ZNF585A: variants seen among roughly 807,000 people sequenced by gnomAD.
ZNF585A encodes the protein zinc finger protein 585A.
A neutral mutation model predicts 14.9 loss-of-function variants in ZNF585A; 9 were observed. The observed-to-expected ratio is 0.60, with a 90% CI of 0.36 to 1.05. The LOEUF is 1.05. ZNF585A is among the 50% of genes least tolerant of loss of function. ZNF585A has a pLI of 0.01. For missense variants in ZNF585A, 726 were observed against 926.4 expected (o/e 0.78, Z 2.81); for synonymous variants, 276 against 319.9 (o/e 0.86, Z 1.46).
At chr19:37,154,560 C>T (rs1971891884) in intron 4 of ZNF585A, among the ~76,000 whole-genome samples, 2 of 151,614 alleles carry the variant, frequency 1.3e-5, no homozygotes, top group South Asian at 4.2e-4. Context: ...AAAAACGAAC[C>T]CTGGTCAATG....
intron 2 of ZNF585A, among the ~76,000 whole-genome samples, chr19:37,162,911 A>G (rs983081257): frequency 3.9e-5 from 6 of 152,130 alleles, no homozygotes; most frequent in Non-Finnish European, 8.8e-5. Flanking sequence ...AAAAGTCTAT[A>G]CAATAAACCC....
At chr19:37,155,605 G>A (rs1274298821) in intron 4 of ZNF585A, among the ~76,000 whole-genome samples, 1 of 151,874 alleles carries the variant, frequency 6.6e-6, no homozygotes, top group Non-Finnish European at 1.5e-5. Flanking sequence ...TAGTGAGCTG[G>A]GATCATGCCA....
rs148426475 is a variant in ZNF585A, at chr19:37,152,666, T to G, written c.1233A>C (p.Ile411=). 16,319 of 1,613,944 alleles carry G rather than the reference T, an allele frequency of 0.01. 120 individuals carry two copies. The highest frequency in any genetic ancestry group is 0.026 in the African/African-American group (1,985 of 75,000). The change falls in exon 5 of 5, where the codon ATA becomes ATC. Residue 411 remains isoleucine, a synonymous_variant. Coordinates refer to ENST00000292841, the MANE Select transcript of ZNF585A (RefSeq NM_001288800.2). ...TGAAGGCCAGTCCACATTTCATGCA[T>G]ATATACGATTTTTCTCCTGTATGAA... The part of the protein sequence containing the change: ...QRIHTGEKSY[I]CMKCGLAFIQ...
Position 37,151,684 on chromosome 19 carries a change from T to C in ZNF585A, c.2215A>G (p.Thr739Ala). 3 of 1,614,212 alleles carry C rather than the reference T, an allele frequency of 1.9e-6. No individual in the cohort carries two copies. Among genetic ancestry groups the C allele is most frequent in the Non-Finnish European group, 2.5e-6 (3 of 1,180,042 alleles). Residue 739 changes from threonine (T) to alanine (A), a missense_variant, in exon 5 of 5, where the codon ACA (threonine) becomes GCA (alanine). Thr to Ala is a moderately conservative substitution (Grantham distance 58, BLOSUM62 0). This residue lies in a region of ZNF585A where 243 missense variants were observed against 383.6 expected (regional missense o/e 0.63). Transcript: ENST00000292841. ...DRSNLNKHQTTHTGDKPYKCG... is the reference protein window; with the variant it reads ...DRSNLNKHQTAHTGDKPYKCG... Reference sequence around the variant, plus strand: ...TTGTAGGGTTTGTCTCCAGTGTGTGTTGTCTGATGTTTATTCAAATTGGAC... The same window carrying C: ...TTGTAGGGTTTGTCTCCAGTGTGTGCTGTCTGATGTTTATTCAAATTGGAC...
At chr19:37,161,627 C>G (rs1235277401) in intron 2 of ZNF585A, among the ~76,000 whole-genome samples, 2 of 152,108 alleles carry the variant, frequency 1.3e-5, no homozygotes, top group Admixed American at 1.3e-4. Context: ...CTCTGCCACC[C>G]GAGCCAGCAA....
chr19:37,172,311 T>G (rs1010782233), intron 1 of ZNF585A: 4 of 152,208 alleles, frequency 2.6e-5, no homozygotes, highest in Admixed American at 2.0e-4. Context: ...ATTTTTATAT[T>G]AAAGAAGACT....
intron 2 of ZNF585A, among the ~76,000 whole-genome samples, chr19:37,163,959 T>C (rs570054894): frequency 6.6e-6 from 1 of 152,276 alleles, no homozygotes; most frequent in South Asian, 2.1e-4. Flanking sequence ...AAGGCATATC[T>C]GGAGTTGCCA....
intron 3 of ZNF585A, 115 bp downstream of exon 3, chr19:37,156,114 A>T: frequency 6.4e-7 from 1 of 1,554,788 alleles, no homozygotes; most frequent in Non-Finnish European, 8.7e-7. Flanking sequence ...AAAGAATCCT[A>T]GACAAATCAA....
chr19:37,169,738 T>C, intron 2 of ZNF585A, 101 bp downstream of exon 2: 2 of 1,424,756 alleles, frequency 1.4e-6, no homozygotes, highest in Non-Finnish European at 1.9e-6. Flanking sequence ...AGCTGCTTCC[T>C]GTGGCCCAGC....
At position 37,149,467 on chromosome 19, in the gene ZNF585A, T is replaced by C. The variant is rs987103674; in HGVS notation, c.*2122A>G. 13 of 152,200 alleles carry C rather than the reference T, an allele frequency of 8.5e-5. No homozygotes were observed. Among genetic ancestry groups the C allele is most frequent in the African/African-American group, 2.9e-4 (12 of 41,446 alleles). The allele number at this position is 152,200 out of a possible 1,614,324, so 9.4% of individuals were successfully genotyped here. On this transcript the variant is annotated 3_prime_UTR_variant, in exon 5 of 5. Coordinates refer to ENST00000292841, the MANE Select transcript of ZNF585A (RefSeq NM_001288800.2). Reference sequence around the variant, plus strand: ...TCATGAGGCTTGGGCATACAGAGGATAGTCAGATGCTTATGTTGACTGATG... The same window carrying C: ...TCATGAGGCTTGGGCATACAGAGGACAGTCAGATGCTTATGTTGACTGATG...
intron 2 of ZNF585A, among the ~76,000 whole-genome samples, chr19:37,157,662 G>A (rs1385919227): frequency 1.3e-5 from 2 of 152,144 alleles, no homozygotes; most frequent in Admixed American, 6.6e-5. Flanking sequence ...AATAAAAGGT[G>A]TAGAGATAGA....
In ZNF585A at chr19:37,152,743, C is replaced by T; in HGVS notation, c.1156G>A (p.Asp386Asn). The T allele has an allele frequency of 6.2e-7, 1 of 1,614,112 alleles. No individual in the cohort carries two copies. Among genetic ancestry groups the T allele is most frequent in the Non-Finnish European group, 8.5e-7 (1 of 1,180,008 alleles). Residue 386 changes from aspartate (D) to asparagine (N), a missense_variant, in exon 5 of 5, where the codon GAC becomes AAC. By Grantham distance (23) the Asp-to-Asn change is conservative (BLOSUM62 1). Around this residue, in one of 2 missense-constraint regions of ZNF585A, gnomAD observed 483 missense variants for 542.8 expected, o/e 0.89. Transcript: ENST00000292841. Reference protein sequence around the residue: ...HTGEKPYECSDCGKAFTQKSA... With the variant: ...HTGEKPYECSNCGKAFTQKSA... ...TTCTGAGTGAAGGCTTTCCCACAGT[C>T]ACTGCATTCATAAGGTTTCTCTCCA... is the stretch of plus-strand genomic sequence containing the variant.
In ZNF585A at chr19:37,153,303, G is replaced by T; in HGVS notation, c.596C>A (p.Ser199Ter). 1 of 1,614,016 alleles carries T rather than the reference G, an allele frequency of 6.2e-7. No homozygotes were observed. The highest frequency in any genetic ancestry group is 8.5e-7 in the Non-Finnish European group (1 of 1,179,978). The change falls in exon 5 of 5, where the codon TCG becomes TAG. Residue 199 changes from serine (S) to a stop codon, truncating the protein, a stop_gained. Coordinates refer to ENST00000292841, the MANE Select transcript of ZNF585A (RefSeq NM_001288800.2). LOFTEE classifies it low-confidence loss of function (END_TRUNC). ...AATTCTCTGATGCCTGAAGAGGGAC[G>T]ACACTTGAAAAAAGGATTTTCCACA... ...NECGKSFFQV[S>*]SLFRHQRIHT...
chr19:37,157,824 ATATGTAAATTT>A (rs140762135), intron 2 of ZNF585A, among the ~76,000 whole-genome samples: 2,135 of 151,164 alleles, frequency 0.014, 18 homozygotes, highest in African/African-American at 0.026. Flanking sequence ...AATCAGATTT[ATATGTAAATTT>A]TTTTTAAGTT....
chr19:37,160,913 G>C (rs1022923342), intron 2 of ZNF585A, among the ~76,000 whole-genome samples: 9 of 151,878 alleles, frequency 5.9e-5, no homozygotes, highest in African/African-American at 2.2e-4. Flanking sequence ...TGTCGTCCAG[G>C]CTGAAGAGCA....
Position 37,169,994 on chromosome 19 carries a change from G to A in ZNF585A, c.-84C>T. On this transcript the variant is annotated 5_prime_UTR_variant, in exon 2 of 5. Coordinates refer to ENST00000292841, the MANE Select transcript of ZNF585A (RefSeq NM_001288800.2). ...TGAACTCAAGCAGAGCTGCTCTGAA[G>A]AGATGGGCTGGAGTCTAGAGGAAAA... 1.6e-5 allele frequency: 24 copies of A among 1,518,894 alleles called. No homozygotes were observed. The highest frequency in any genetic ancestry group is 2.0e-5 in the Non-Finnish European group (23 of 1,125,976). 94.1% of individuals were successfully genotyped at this position (1,518,894 alleles called of 1,614,324 possible).
chr19:37,160,568 G>T (rs10407224), intron 2 of ZNF585A, among the ~76,000 whole-genome samples: 25,333 of 151,520 alleles, frequency 0.17, 2,314 homozygotes, highest in African/African-American at 0.24. Flanking sequence ...TAGTCAACCA[G>T]ACTGGCAAAG....
rs1297805789 is a variant in ZNF585A at position 37,149,834 on chromosome 19, T to C, written c.*1755A>G. 3 of 152,282 alleles carry C rather than the reference T, an allele frequency of 2.0e-5. No individual in the cohort carries two copies. Among genetic ancestry groups the C allele is most frequent in the African/African-American group, 7.2e-5 (3 of 41,444 alleles). The allele number at this position is 152,282 out of a possible 1,614,324, so 9.4% of individuals were successfully genotyped here. On this transcript the variant is annotated 3_prime_UTR_variant, in exon 5 of 5. Transcript: ENST00000292841. ...GGGGGAACTCAGAGGAAAAGGTCTA[T>C]GAGGCTGGGACCTCATCCTCATCAC...
intron 2 of ZNF585A, among the ~76,000 whole-genome samples, chr19:37,164,143 G>A (rs1184732425): frequency 1.3e-5 from 2 of 152,202 alleles, no homozygotes; most frequent in African/African-American, 2.4e-5. Flanking sequence ...AAAAGGCCGG[G>A]CGTGGTGGCT....
Sources: gnomAD v4.1 joint callset for allele counts (sites outside exome capture counted in the v4.1 genomes callset) on GRCh38, gnomAD v4.1.1 for gene constraint, gnomAD v4.1.1 regional missense constraint, MANE v1.5 for transcripts, NCBI Gene and HGNC (gene_info 2026-07-23, HGNC 2026-07-21) for gene names.